ASB18: variants seen among roughly 807,000 people sequenced by gnomAD.
ASB18 encodes ankyrin repeat and SOCS box containing 18.
Under a neutral mutation model 33.4 loss-of-function variants are expected in ASB18, and 33 were observed. The ratio of observed to expected loss-of-function variants is 0.99; its 90% CI spans 0.75 to 1.32. The LOEUF is 1.32. Among genes scored for constraint, ASB18 ranks in the 40% most tolerant of loss-of-function variants. The pLI is 0.00. For missense variants in ASB18, 694 were observed against 655.5 expected, an observed-to-expected ratio of 1.06 and a Z score of -0.64; for synonymous variants, 295 against 307.6, an observed-to-expected ratio of 0.96 and a Z score of 0.43.
intron 3 of ASB18, among the ~76,000 whole-genome samples, chr2:236,236,616 G>GC (rs2060590439): frequency 2.1e-5 from 3 of 144,570 alleles, no homozygotes; most frequent in Non-Finnish European, 1.6e-5. Flanking sequence ...GGTCCACGTG[G>GC]CCCCCTGATC....
intron 1 of ASB18, among the ~76,000 whole-genome samples, chr2:236,261,831 T>C (rs548436740): frequency 1.3e-5 from 2 of 152,228 alleles, no homozygotes; most frequent in African/African-American, 2.4e-5. Context: ...TTTTACATGG[T>C]GGCAGGCAAG....
In ASB18 at chr2:236,220,595, A is replaced by C. The variant is rs1473370; in HGVS notation, c.597-5729T>G. On this transcript the variant is annotated intron_variant, in intron 3 of 5. Coordinates refer to ENST00000409749, the MANE Select transcript of ASB18 (RefSeq NM_212556.4). This position sits in a 1 kb window ranked among gnomAD's most constrained non-coding sequence, Gnocchi z 5.1. ...AACAACTATTTATCTTTAGTCCCTG[A>C]AACAACTTTGCATTGTAGGTGGAAT... 0.48 allele frequency among the ~76,000 whole-genome samples: 72,889 copies of C among 150,852 alleles called. 21,789 individuals are homozygous for C. The highest frequency in any genetic ancestry group is 0.86 in the African/African-American group (35,210 of 40,954).
Position 236,204,386 on chromosome 2 carries a change from C to T in ASB18, c.1102-8001G>A, listed in dbSNP as rs754844667. Among the ~76,000 whole-genome samples the T allele has an allele frequency of 6.6e-5, 10 of 152,218 alleles. No individual in the cohort carries two copies. The highest frequency in any genetic ancestry group is 1.2e-4 in the African/African-American group (5 of 41,458). ...TTCCACCTCACTGGTTGCCCCTCCT[C>T]GGTTTCCTTAGCTGCTGTCTCATCT... On this transcript the variant is annotated intron_variant, in intron 4 of 5. Transcript: ENST00000409749. The surrounding 1 kb of genome is among the most constrained non-coding windows in gnomAD (Gnocchi z 5.1).
Position 236,214,879 on chromosome 2 carries a change from A to G in ASB18, c.597-13T>C. 1 of 1,209,214 alleles carries G rather than the reference A, an allele frequency of 8.3e-7. No homozygotes were observed. Among genetic ancestry groups the G allele is most frequent in the Non-Finnish European group, 1.0e-6 (1 of 973,218 alleles). 74.9% of individuals were successfully genotyped at this position (1,209,214 alleles called of 1,614,324 possible). The stretch of plus-strand genomic sequence containing the variant: ...CGCCTGCGCGCACCTGTGGGAAGCC[A>G]GGGCCTGTCACTCGGGCGCCACGCA... On this transcript the variant is annotated splice_polypyrimidine_tract_variant and intron_variant, in intron 3 of 5. Transcript: ENST00000409749. The surrounding 1 kb of genome is among the most constrained non-coding windows in gnomAD (Gnocchi z 6.5).
chr2:236,258,558 TAG>T (rs2060703817), intron 1 of ASB18, among the ~76,000 whole-genome samples: 1 of 152,208 alleles, frequency 6.6e-6, no homozygotes. Context: ...TCATTTAATT[TAG>T]AGTCAGCCGT....
At position 236,203,726 on chromosome 2, in the gene ASB18, G is replaced by T. The variant is rs1244008778; in HGVS notation, c.1102-7341C>A. Among the ~76,000 whole-genome samples, 2 of 152,130 alleles carry T rather than the reference G, an allele frequency of 1.3e-5. No homozygotes were observed. Among genetic ancestry groups the T allele is most frequent in the Admixed American group, 6.5e-5 (1 of 15,280 alleles). ...ACAAAAAATACAAAAACTTAGCTGG[G>T]TGTGATGGTGTGCATCTGTAATCCC... On this transcript the variant is annotated intron_variant, in intron 4 of 5. Transcript: ENST00000409749. This position sits in a 1 kb window ranked among gnomAD's most constrained non-coding sequence, Gnocchi z 6.0.
In ASB18 at chr2:236,208,865, A is replaced by C. The variant is rs570314753; in HGVS notation, c.1101+5497T>G. Among the ~76,000 whole-genome samples the C allele has an allele frequency of 1.8e-4, 28 of 152,242 alleles. No homozygotes were observed. The highest frequency in any genetic ancestry group is 6.7e-4 in the African/African-American group (28 of 41,546). On this transcript the variant is annotated intron_variant, in intron 4 of 5. Transcript: ENST00000409749. The surrounding 1 kb of genome is among the most constrained non-coding windows in gnomAD (Gnocchi z 7.7). ...GCTGCCACATTACTCTGACATGCTG[A>C]TGTCATTAGTGTCCACGCACACCAC...
At position 236,204,790 on chromosome 2, in the gene ASB18, A is replaced by G. The variant is rs115005532; in HGVS notation, c.1102-8405T>C. On this transcript the variant is annotated intron_variant, in intron 4 of 5. Coordinates refer to ENST00000409749, the MANE Select transcript of ASB18 (RefSeq NM_212556.4). The surrounding 1 kb of genome is among the most constrained non-coding windows in gnomAD (Gnocchi z 5.1). Reference sequence around the variant, plus strand: ...TGCTCCTGTTTCTCCTACACTCCACATACCAAAAACTGAACTCCCTTGTTC... The same window carrying G: ...TGCTCCTGTTTCTCCTACACTCCACGTACCAAAAACTGAACTCCCTTGTTC... 1.3e-3 allele frequency among the ~76,000 whole-genome samples: 201 copies of G among 151,664 alleles called. 1 individual carries two copies. The highest frequency in any genetic ancestry group is 4.8e-3 in the African/African-American group (197 of 41,226).
rs910607834 is a variant in ASB18, at chr2:236,193,983, C to T, written c.*889G>A. Among the ~76,000 whole-genome samples the T allele has an allele frequency of 1.3e-5, 2 of 152,168 alleles. No homozygotes were observed. Among genetic ancestry groups the T allele is most frequent in the Non-Finnish European group, 2.9e-5 (2 of 68,034 alleles). On this transcript the variant is annotated 3_prime_UTR_variant, in exon 6 of 6. Coordinates refer to ENST00000409749, the MANE Select transcript of ASB18 (RefSeq NM_212556.4). This position sits in a 1 kb window ranked among gnomAD's most constrained non-coding sequence, Gnocchi z 5.0. ...CCCTGCGATGGAATAGCACCCCGTC[C>T]AGGCCTGGTTCCTGCCCTGCACACT...
rs1231115263 is a variant in ASB18 at position 236,239,602 on chromosome 2, C to A, written c.329-1646G>T. Among the ~76,000 whole-genome samples the A allele has an allele frequency of 2.0e-5, 3 of 152,162 alleles. No homozygotes were observed. Among genetic ancestry groups the A allele is most frequent in the African/African-American group, 7.2e-5 (3 of 41,436 alleles). On this transcript the variant is annotated intron_variant, in intron 2 of 5. Coordinates refer to ENST00000409749, the MANE Select transcript of ASB18 (RefSeq NM_212556.4). The surrounding 1 kb of genome is among the most constrained non-coding windows in gnomAD (Gnocchi z 5.6). Reference sequence around the variant, plus strand: ...TAAGGCTTCTCTGCATGTGGTGTGTCCCTCTAAGCATCAGCTCCCCCATGT... The same window carrying A: ...TAAGGCTTCTCTGCATGTGGTGTGTACCTCTAAGCATCAGCTCCCCCATGT...
rs1442104103 is a variant in ASB18, at chr2:236,208,733, CTGCATCG to C, written c.1101+5622_1101+5628del. On this transcript the variant is annotated intron_variant, in intron 4 of 5. Coordinates refer to ENST00000409749, the MANE Select transcript of ASB18 (RefSeq NM_212556.4). This position sits in a 1 kb window ranked among gnomAD's most constrained non-coding sequence, Gnocchi z 7.7. Reference sequence around the variant, plus strand: ...GGGGCTCCCTGCCCCTCCCCGTCCTCTGCATCGTGCCCCCTCATGTTTGCCAGGCAGC... The same window carrying C: ...GGGGCTCCCTGCCCCTCCCCGTCCTCTGCCCCCTCATGTTTGCCAGGCAGC... 2.6e-5 allele frequency among the ~76,000 whole-genome samples: 4 copies of C among 152,334 alleles called. No homozygotes were observed. Among genetic ancestry groups the C allele is most frequent in the Non-Finnish European group, 5.9e-5 (4 of 68,030 alleles).
chr2:236,259,730 G>A lies in ASB18; in HGVS notation c.205+4411C>T, dbSNP rs1169497978. 8.0e-6 allele frequency: 3 copies of A among 375,496 alleles called. No homozygotes were observed. The Admixed American group carries it at 9.0e-5, about 11-fold the overall frequency. 23.3% of individuals were successfully genotyped at this position (375,496 alleles called of 1,614,324 possible). ...GCATCTCAGGTCCATCCTTGCAGGAGAGCAGGTGCCTTCACAAGGGCACAG... is the reference window on the plus strand; with the variant it reads ...GCATCTCAGGTCCATCCTTGCAGGAAAGCAGGTGCCTTCACAAGGGCACAG... On this transcript the variant is annotated intron_variant, in intron 1 of 5. Transcript: ENST00000409749. This position sits in a 1 kb window ranked among gnomAD's most constrained non-coding sequence, Gnocchi z 4.4.
intron 4 of ASB18, chr2:236,210,318 T>A (rs1343356060): frequency 6.6e-6 from 1 of 152,238 alleles, no homozygotes; most frequent in Non-Finnish European, 1.5e-5. Context: ...TCCCTGCACT[T>A]CCCCGACTGG....
rs1034152164 is a variant in ASB18 at position 236,209,929 on chromosome 2, T to A, written c.1101+4433A>T. On this transcript the variant is annotated intron_variant, in intron 4 of 5. Coordinates refer to ENST00000409749, the MANE Select transcript of ASB18 (RefSeq NM_212556.4). The surrounding 1 kb of genome is among the most constrained non-coding windows in gnomAD (Gnocchi z 4.4). ...CCAGGACGTCTGTCTAGAATGTTTG[T>A]CCCCCGCTTCACAAAGATAAGCCTT... Among the ~76,000 whole-genome samples the A allele has an allele frequency of 6.6e-6, 1 of 152,164 alleles. No individual in the cohort carries two copies. Among genetic ancestry groups the A allele is most frequent in the African/African-American group, 2.4e-5 (1 of 41,432 alleles).
chr2:236,256,057 C>T lies in ASB18; in HGVS notation c.205+8084G>A, dbSNP rs150504779. ...ATGTATTCATTTGTTTTTTGGAGAC[C>T]GGCTCTCACTGTTGCCAGGTTGGAG... On this transcript the variant is annotated intron_variant, in intron 1 of 5. Coordinates refer to ENST00000409749, the MANE Select transcript of ASB18 (RefSeq NM_212556.4). The surrounding 1 kb of genome is among the most constrained non-coding windows in gnomAD (Gnocchi z 4.7). Among the ~76,000 whole-genome samples, 50 of 151,674 alleles carry T rather than the reference C, an allele frequency of 3.3e-4. No individual in the cohort carries two copies. Among genetic ancestry groups the T allele is most frequent in the African/African-American group, 1.1e-3 (45 of 41,354 alleles).
rs922683884 is a variant in ASB18, at chr2:236,237,393, C to G, written c.596+296G>C. Among the ~76,000 whole-genome samples, 1 of 101,658 alleles carries G rather than the reference C, an allele frequency of 9.8e-6. No individual in the cohort carries two copies. Among genetic ancestry groups the G allele is most frequent in the Non-Finnish European group, 1.8e-5 (1 of 56,744 alleles). 66.7% of individuals were successfully genotyped at this position (101,658 alleles called of 152,430 possible). ...CGGGGCCGGGGCGCGGGGCGGGGGCCGGGGCCGGGGCGCGGGGCGGGGGCC... is the reference window on the plus strand; with the variant it reads ...CGGGGCCGGGGCGCGGGGCGGGGGCGGGGGCCGGGGCGCGGGGCGGGGGCC... On this transcript the variant is annotated intron_variant, in intron 3 of 5. Transcript: ENST00000409749. This position sits in a 1 kb window ranked among gnomAD's most constrained non-coding sequence, Gnocchi z 6.2.
At position 236,219,981 on chromosome 2, in the gene ASB18, A is replaced by G. The variant is rs907879091; in HGVS notation, c.597-5115T>C. Among the ~76,000 whole-genome samples, 2 of 152,240 alleles carry G rather than the reference A, an allele frequency of 1.3e-5. No homozygotes were observed. The highest frequency in any genetic ancestry group is 2.9e-5 in the Non-Finnish European group (2 of 68,042). Reference sequence around the variant, plus strand: ...TCTCAACAGCTTCTGATATGAAGCAACTTGGACAAACACATTAATCTCTGG... The same window carrying G: ...TCTCAACAGCTTCTGATATGAAGCAGCTTGGACAAACACATTAATCTCTGG... On this transcript the variant is annotated intron_variant, in intron 3 of 5. Transcript: ENST00000409749. The surrounding 1 kb of genome is among the most constrained non-coding windows in gnomAD (Gnocchi z 6.4).
At position 236,219,342 on chromosome 2, in the gene ASB18, C is replaced by T. The variant is rs2060501011; in HGVS notation, c.597-4476G>A. Among the ~76,000 whole-genome samples, 1 of 152,166 alleles carries T rather than the reference C, an allele frequency of 6.6e-6. No homozygotes were observed. Among genetic ancestry groups the T allele is most frequent in the South Asian group, 2.1e-4 (1 of 4,820 alleles). Reference sequence around the variant, plus strand: ...AGAGGTTATTAATAACAAAACCATCCCCACCTGCTCCAGCAACAGCTCCTG... The same window carrying T: ...AGAGGTTATTAATAACAAAACCATCTCCACCTGCTCCAGCAACAGCTCCTG... On this transcript the variant is annotated intron_variant, in intron 3 of 5. Transcript: ENST00000409749. This position sits in a 1 kb window ranked among gnomAD's most constrained non-coding sequence, Gnocchi z 6.4.
Position 236,214,936 on chromosome 2 carries a change from T to C in ASB18, c.597-70A>G. The stretch of plus-strand genomic sequence containing the variant: ...CCGCACCCTTCCACCCCCGGCCTGC[T>C]GCTGCAAAATATCAAGTGACCTCTG... On this transcript the variant is annotated intron_variant, in intron 3 of 5. Transcript: ENST00000409749. The surrounding 1 kb of genome is among the most constrained non-coding windows in gnomAD (Gnocchi z 6.5). The C allele has an allele frequency of 1.7e-6, 2 of 1,151,696 alleles. No homozygotes were observed. Among genetic ancestry groups the C allele is most frequent in the Non-Finnish European group, 2.2e-6 (2 of 927,836 alleles). The allele number at this position is 1,151,696 out of a possible 1,614,324, so 71.3% of individuals were successfully genotyped here. A position where few individuals can be genotyped will look rare whatever the true frequency, so the allele number is the denominator to read the frequency against.
Sources: gnomAD v4.1 joint callset for allele counts (sites outside exome capture counted in the v4.1 genomes callset) on GRCh38, gnomAD v4.1.1 for gene constraint, Gnocchi (gnomAD v3.1) non-coding constraint, MANE v1.5 for transcripts, NCBI Gene and HGNC (gene_info 2026-07-23, HGNC 2026-07-21) for gene names.